LHFPL3: variants seen among roughly 807,000 people sequenced by gnomAD.
LHFPL3 encodes the protein LHFPL tetraspan subfamily member 3 protein.
Under a neutral mutation model 19.3 loss-of-function variants are expected in LHFPL3, and 5 were observed. The ratio of observed to expected loss-of-function variants is 0.26; its 90% CI spans 0.14 to 0.54. The LOEUF (loss-of-function observed/expected upper bound fraction) is 0.54, where lower values mean the gene tolerates loss of function less well. Ranked by LOEUF, LHFPL3 falls within the 20% of genes least tolerant of loss-of-function variation. The pLI, the probability that LHFPL3 is intolerant of heterozygous loss-of-function variation, is 0.94. For synonymous variants in LHFPL3, 133 were observed against 126.2 expected (o/e 1.05, Z -0.36); for missense variants, 249 against 307.4 (o/e 0.81, Z 1.42).
chr7:104,712,146 TAGA>T (rs564530210), intron 1 of LHFPL3, among the ~76,000 whole-genome samples: 42 of 152,306 alleles, frequency 2.8e-4, no homozygotes, highest in African/African-American at 1.0e-3. Flanking sequence ...TCCTTAAAAG[TAGA>T]AGAAGAGGCA....
At position 104,399,511 on chromosome 7, in the gene LHFPL3, G is replaced by T. The variant is rs1032040556; in HGVS notation, c.445+70287G>T. 1.3e-5 allele frequency among the ~76,000 whole-genome samples: 2 copies of T among 151,662 alleles called. No individual in the cohort carries two copies. The highest frequency in any genetic ancestry group is 2.9e-5 in the Non-Finnish European group (2 of 67,900). On this transcript the variant is annotated intron_variant, in intron 1 of 2. Transcript: ENST00000424859. The surrounding 1 kb of genome is among the most constrained non-coding windows in gnomAD (Gnocchi z 4.4). The stretch of plus-strand genomic sequence containing the variant: ...CTCTGTTGCCCAGGCTGGCAGGCTG[G>T]AGTGCAGTGGCGCAGTCTTGGCTCA...
chr7:104,551,907 C>G (rs1403714659), intron 1 of LHFPL3, among the ~76,000 whole-genome samples: 1 of 152,170 alleles, frequency 6.6e-6, no homozygotes, highest in Non-Finnish European at 1.5e-5. Context: ...TTACTTGTTT[C>G]ATGGTGTGCT....
intron 1 of LHFPL3, among the ~76,000 whole-genome samples, chr7:104,521,277 C>T (rs1046128947): frequency 7.4e-4 from 112 of 152,136 alleles, no homozygotes; most frequent in Middle Eastern, 3.4e-3. Context: ...ATTCTTAATC[C>T]TGAGTTCTAG....
At chr7:104,540,311 G>C (rs1180932294) in intron 1 of LHFPL3, among the ~76,000 whole-genome samples, 1 of 152,178 alleles carries the variant, frequency 6.6e-6, no homozygotes, top group Non-Finnish European at 1.5e-5. Context: ...GGACAGAAAA[G>C]TCTAGAGCAA....
intron 1 of LHFPL3, among the ~76,000 whole-genome samples, chr7:104,724,529 G>A (rs968765887): frequency 1.3e-5 from 2 of 152,074 alleles, no homozygotes; most frequent in South Asian, 4.1e-4. Flanking sequence ...AAGGGATAAA[G>A]TCTTTCACTT....
At chr7:104,819,985 G>T (rs754121816) in intron 2 of LHFPL3, among the ~76,000 whole-genome samples, 3 of 152,170 alleles carry the variant, frequency 2.0e-5, no homozygotes, top group Non-Finnish European at 4.4e-5. Context: ...TTTTAAGGAA[G>T]AGAAAACTCT....
chr7:104,622,537 A>G lies in LHFPL3; in HGVS notation c.446-114138A>G, dbSNP rs774800227. Among the ~76,000 whole-genome samples the G allele has an allele frequency of 6.6e-4, 100 of 152,130 alleles. 1 individual carries two copies. Among genetic ancestry groups the G allele is most frequent in the Non-Finnish European group, 2.4e-4 (16 of 68,026 alleles). Reference sequence around the variant, plus strand: ...CATAGATTGTACAATCACCACTACAATTGGTTTTAGAACATTTTAATCTCC... The same window carrying G: ...CATAGATTGTACAATCACCACTACAGTTGGTTTTAGAACATTTTAATCTCC... On this transcript the variant is annotated intron_variant, in intron 1 of 2. Coordinates refer to ENST00000424859, the MANE Select transcript of LHFPL3 (RefSeq NM_199000.3).
chr7:104,526,287 T>C (rs1794187664), intron 1 of LHFPL3, among the ~76,000 whole-genome samples: 1 of 152,038 alleles, frequency 6.6e-6, no homozygotes, highest in Admixed American at 6.6e-5. Context: ...ACTAGCCAAA[T>C]AAACAAACAA....
intron 1 of LHFPL3, among the ~76,000 whole-genome samples, chr7:104,509,902 T>C (rs965223769): frequency 3.3e-5 from 5 of 152,038 alleles, no homozygotes; most frequent in African/African-American, 4.8e-5. Context: ...TCACAAGATA[T>C]AATATAAACA....
chr7:104,614,737 T>TTCTC (rs1328004953), intron 1 of LHFPL3, among the ~76,000 whole-genome samples: 1 of 133,096 alleles, frequency 7.5e-6, no homozygotes, highest in African/African-American at 2.8e-5. Flanking sequence ...CTTTCTTTCT[T>TTCTC]TCTCTTTCTC....
At chr7:104,636,419 T>G (rs1374587471) in intron 1 of LHFPL3, among the ~76,000 whole-genome samples, 9 of 152,130 alleles carry the variant, frequency 5.9e-5, no homozygotes, top group Non-Finnish European at 1.2e-4. Flanking sequence ...ATGTGCAGGT[T>G]TGTTATTATA....
At chr7:104,816,968 C>G (rs953600923) in intron 2 of LHFPL3, among the ~76,000 whole-genome samples, 2 of 152,332 alleles carry the variant, frequency 1.3e-5, no homozygotes, top group South Asian at 2.1e-4. Flanking sequence ...AACTTCTGAA[C>G]TGCTAGCTCT....
At position 104,573,749 on chromosome 7, in the gene LHFPL3, G is replaced by A. The variant is rs1426187098; in HGVS notation, c.446-162926G>A. 2.0e-5 allele frequency among the ~76,000 whole-genome samples: 3 copies of A among 152,176 alleles called. No homozygotes were observed. The South Asian group carries it at 6.2e-4, about 32-fold the overall frequency. On this transcript the variant is annotated intron_variant, in intron 1 of 2. Transcript: ENST00000424859. ...CAGTGGCCAGTCCTGATAAACAGGT[G>A]GTTAGTGAGAGACAGTCCCCTCTTC... is the stretch of plus-strand genomic sequence containing the variant.
chr7:104,428,359 T>A (rs1791888055), intron 1 of LHFPL3, among the ~76,000 whole-genome samples: 1 of 152,234 alleles, frequency 6.6e-6, no homozygotes, highest in Non-Finnish European at 1.5e-5. Flanking sequence ...TAAATTTTCT[T>A]GCAGTTAATG....
At chr7:104,497,589 A>G (rs531276465) in intron 1 of LHFPL3, among the ~76,000 whole-genome samples, 3 of 151,222 alleles carry the variant, frequency 2.0e-5, no homozygotes, top group Non-Finnish European at 4.4e-5. Flanking sequence ...TGCTGTTACT[A>G]TGGTTACCAT....
Position 104,643,555 on chromosome 7 carries a change from G to A in LHFPL3, c.446-93120G>A, listed in dbSNP as rs141597133. ...TTGCAATCTCCAGGGTAAAACTAGA[G>A]CAGTAAAGAAATTGAGTGCCCCACA... On this transcript the variant is annotated intron_variant, in intron 1 of 2. Transcript: ENST00000424859. 1.4e-4 allele frequency among the ~76,000 whole-genome samples: 21 copies of A among 152,214 alleles called. No individual in the cohort carries two copies. The East Asian group carries it at 3.7e-3, about 27-fold the overall frequency.
At chr7:104,595,650 G>A (rs550325060) in intron 1 of LHFPL3, among the ~76,000 whole-genome samples, 72 of 152,312 alleles carry the variant, frequency 4.7e-4, no homozygotes, top group African/African-American at 1.1e-3. Flanking sequence ...CTTTTGTTCC[G>A]CTATGCCCTA....
At chr7:104,587,847 G>C (rs1278591035) in intron 1 of LHFPL3, among the ~76,000 whole-genome samples, 1 of 152,068 alleles carries the variant, frequency 6.6e-6, no homozygotes, top group Non-Finnish European at 1.5e-5. Context: ...TTGTGGTTTT[G>C]ATTTGCATTT....
At chr7:104,499,583 C>A (rs1007310638) in intron 1 of LHFPL3, among the ~76,000 whole-genome samples, 2 of 152,180 alleles carry the variant, frequency 1.3e-5, no homozygotes, top group South Asian at 4.1e-4. Context: ...GAATGAGGGA[C>A]TTCTTTGTGT....
Sources: gnomAD v4.1 joint callset for allele counts (sites outside exome capture counted in the v4.1 genomes callset) on GRCh38, gnomAD v4.1.1 for gene constraint, Gnocchi (gnomAD v3.1) non-coding constraint, MANE v1.5 for transcripts, NCBI Gene and HGNC (gene_info 2026-07-23, HGNC 2026-07-21) for gene names.